PLCB1: variants seen among roughly 807,000 people sequenced by gnomAD.
The protein encoded by PLCB1 is 1-phosphatidylinositol 4,5-bisphosphate phosphodiesterase beta-1.
PLCB1 carries 46 observed loss-of-function variants against 161.8 expected under a neutral mutation model. The ratio of observed to expected loss-of-function variants is 0.28; its 90% CI spans 0.22 to 0.36. The LOEUF is 0.36. Among genes scored for constraint, PLCB1 ranks in the 10% least tolerant of loss-of-function variants. The probability of loss-of-function intolerance (pLI) is 1.00; values close to 1 mark genes in which losing one functional copy is unlikely to be tolerated. For synonymous variants in PLCB1, 517 were observed against 503.7 expected (o/e 1.03, Z -0.35); for missense variants, 1,016 against 1,472.5 (o/e 0.69, Z 5.07).
At chr20:8,628,527 T>A in intron 4 of PLCB1, 96 bp downstream of exon 4, 10 of 1,285,076 alleles carry the variant, frequency 7.8e-6, no homozygotes, top group Non-Finnish European at 1.1e-5. Flanking sequence ...TTGTCATATT[T>A]AGCATGTGTT....
intron 3 of PLCB1, among the ~76,000 whole-genome samples, chr20:8,543,047 G>C (rs533159674): frequency 6.2e-4 from 94 of 152,286 alleles, no homozygotes; most frequent in African/African-American, 2.1e-3. Flanking sequence ...AAATGCTCTA[G>C]CACCTTGGTA....
intron 3 of PLCB1, among the ~76,000 whole-genome samples, chr20:8,426,892 A>G (rs944408750): frequency 6.6e-6 from 1 of 152,166 alleles, no homozygotes; most frequent in Non-Finnish European, 1.5e-5. Context: ...AGAATGAGAA[A>G]CTCACATAAA....
In PLCB1 at chr20:8,580,252, A is replaced by G. The variant is rs183161532; in HGVS notation, c.247-48042A>G. 2.6e-3 allele frequency among the ~76,000 whole-genome samples: 399 copies of G among 152,340 alleles called. 4 individuals are homozygous for G. Among genetic ancestry groups the G allele is most frequent in the African/African-American group, 9.4e-3 (389 of 41,574 alleles). On this transcript the variant is annotated intron_variant, in intron 3 of 31. Transcript: ENST00000338037. ...TACAGAAAATAAAAAGGCATGACTA[A>G]TACAACCTTCCCTTCAAAAATACAC...
chr20:8,778,216 C>G (rs1422298936), intron 27 of PLCB1, among the ~76,000 whole-genome samples: 1 of 152,102 alleles, frequency 6.6e-6, no homozygotes, highest in African/African-American at 2.4e-5. Context: ...CGGGAGATTC[C>G]TGAAAGAGGA....
intron 2 of PLCB1, among the ~76,000 whole-genome samples, chr20:8,257,993 A>G (rs1981511619): frequency 6.6e-6 from 1 of 152,204 alleles, no homozygotes. Flanking sequence ...TTTCTAATAT[A>G]TAATTTTGTG....
chr20:8,686,737 A>G (rs925962341), intron 10 of PLCB1, among the ~76,000 whole-genome samples: 14 of 152,194 alleles, frequency 9.2e-5, no homozygotes, highest in Non-Finnish European at 1.6e-4. Flanking sequence ...TTAGGCTATC[A>G]TCTGTGTCCT....
Position 8,260,284 on chromosome 20 carries a change from A to G in PLCB1, c.177+109913A>G, listed in dbSNP as rs1357388034. On this transcript the variant is annotated intron_variant, in intron 2 of 31. Transcript: ENST00000338037. ...TTTCTGTTAGAGACAAGGTCTTTCC[A>G]TAGTGCCCAGACTGGTCTCAAACTC... Among the ~76,000 whole-genome samples the G allele has an allele frequency of 3.4e-5, 5 of 148,796 alleles. No homozygotes were observed. The East Asian group carries it at 9.9e-4, about 30-fold the overall frequency.
At chr20:8,133,786 T>G (rs6108111) in intron 1 of PLCB1, among the ~76,000 whole-genome samples, 2,765 of 152,324 alleles carry the variant, frequency 0.018, 41 homozygotes, top group Middle Eastern at 0.041. Context: ...TCCAAATGAC[T>G]AATACATCTC....
intron 2 of PLCB1, among the ~76,000 whole-genome samples, chr20:8,197,176 A>G (rs1202529394): frequency 6.6e-6 from 1 of 152,172 alleles, no homozygotes; most frequent in African/African-American, 2.4e-5. Context: ...TCCTTTGGGT[A>G]TATACCCAGT....
intron 2 of PLCB1, among the ~76,000 whole-genome samples, chr20:8,231,778 TTTGG>T (rs1980054001): frequency 1.3e-5 from 2 of 152,144 alleles, no homozygotes; most frequent in African/African-American, 4.8e-5. Context: ...GGCCAGTTGG[TTTGG>T]TTGGCTGATC....
At chr20:8,818,645 A>G (rs1246174778) in intron 31 of PLCB1, among the ~76,000 whole-genome samples, 1 of 152,230 alleles carries the variant, frequency 6.6e-6, no homozygotes, top group Non-Finnish European at 1.5e-5. Context: ...CTTAAAAAAT[A>G]TATAACATCA....
chr20:8,614,681 C>T (rs115256728), intron 3 of PLCB1, among the ~76,000 whole-genome samples: 3 of 151,416 alleles, frequency 2.0e-5, no homozygotes, highest in African/African-American at 7.3e-5. Context: ...ACACTGGCCT[C>T]ATGTTGCTAC....
At position 8,618,246 on chromosome 20, in the gene PLCB1, C is replaced by T. The variant is rs535582903; in HGVS notation, c.247-10048C>T. ...AAAAAATAATTGCCTAAAAATTAAT[C>T]AGTGCAGGCCAACAACTAAAAGAAG... On this transcript the variant is annotated intron_variant, in intron 3 of 31. Transcript: ENST00000338037. 1.3e-3 allele frequency among the ~76,000 whole-genome samples: 195 copies of T among 152,266 alleles called. 1 individual carries two copies. The highest frequency in any genetic ancestry group is 2.4e-3 in the Non-Finnish European group (166 of 68,020).
At chr20:8,411,837 A>G (rs1051454121) in intron 3 of PLCB1, among the ~76,000 whole-genome samples, 4 of 152,200 alleles carry the variant, frequency 2.6e-5, no homozygotes, top group African/African-American at 2.4e-5. Flanking sequence ...CAGCCTGACC[A>G]ACATGATGAA....
chr20:8,742,978 C>G (rs1717622100), intron 23 of PLCB1, among the ~76,000 whole-genome samples: 1 of 152,146 alleles, frequency 6.6e-6, no homozygotes, highest in Admixed American at 6.5e-5. Context: ...TTTCCAAATA[C>G]AAGATCATGT....
At chr20:8,843,331 A>G (rs1202747935) in intron 31 of PLCB1, among the ~76,000 whole-genome samples, 1 of 152,226 alleles carries the variant, frequency 6.6e-6, no homozygotes, top group Admixed American at 6.5e-5. Flanking sequence ...GAACCCCTGT[A>G]AAGTAGTAAC....
At chr20:8,611,587 A>C (rs1987905588) in intron 3 of PLCB1, among the ~76,000 whole-genome samples, 1 of 152,280 alleles carries the variant, frequency 6.6e-6, no homozygotes, top group South Asian at 2.1e-4. Flanking sequence ...TGAGCCTATA[A>C]AAACAATTTC....
Position 8,727,473 on chromosome 20 carries a change from G to A in PLCB1, c.1763+80G>A, listed in dbSNP as rs1043771987. The stretch of plus-strand genomic sequence containing the variant: ...ATTTGTTCATTTGGTTTTTTAATAA[G>A]GAGAAAGATGCATAAAATGGCTTAA... On this transcript the variant is annotated intron_variant, in intron 17 of 31. Transcript: ENST00000338037. The A allele has an allele frequency of 5.3e-5, 42 of 790,052 alleles. No homozygotes were observed. In the Admixed American group the frequency reaches 8.7e-4, roughly 16 times the overall value. The allele number at this position is 790,052 out of a possible 1,614,324, so 48.9% of individuals were successfully genotyped here.
At chr20:8,795,945 G>T (rs1440112110) in intron 31 of PLCB1, among the ~76,000 whole-genome samples, 1 of 151,396 alleles carries the variant, frequency 6.6e-6, no homozygotes, top group African/African-American at 2.4e-5. Context: ...TTGTGAATAT[G>T]CCAATGTTTA....
Sources: gnomAD v4.1 joint callset for allele counts (sites outside exome capture counted in the v4.1 genomes callset) on GRCh38, gnomAD v4.1.1 for gene constraint, MANE v1.5 for transcripts, NCBI Gene and HGNC (gene_info 2026-07-23, HGNC 2026-07-21) for gene names.